Variants in THRB observed in about 807,000 individuals in gnomAD.
THRB encodes the protein nuclear receptor subfamily 1 group A member 2.
Under a neutral mutation model 47.8 loss-of-function variants are expected in THRB, and 12 were observed. That is an observed-to-expected ratio of 0.25 (90% confidence interval 0.16 to 0.41). The LOEUF (loss-of-function observed/expected upper bound fraction) is 0.41, where lower values mean the gene tolerates loss of function less well. Among genes scored for constraint, THRB ranks in the 10% least tolerant of loss-of-function variants. The pLI, the probability that THRB is intolerant of heterozygous loss-of-function variation, is 1.00. For missense variants in THRB, 348 were observed against 589.2 expected (o/e 0.59, Z 4.24); for synonymous variants, 218 against 212.2 (o/e 1.03, Z -0.24).
intron 2 of THRB, among the ~76,000 whole-genome samples, chr3:24,315,422 G>A (rs1411927876): frequency 6.6e-6 from 1 of 152,186 alleles, no homozygotes; most frequent in African/African-American, 2.4e-5. Flanking sequence ...CCAATTATAT[G>A]TTCTTGAAAT....
chr3:24,419,992 G>A (rs772263067), intron 1 of THRB, among the ~76,000 whole-genome samples: 9 of 151,782 alleles, frequency 5.9e-5, no homozygotes, highest in Non-Finnish European at 8.8e-5. Context: ...CTGTGTAACC[G>A]ATGCAAGTTA....
chr3:24,251,558 G>C (rs2050670503), intron 3 of THRB, among the ~76,000 whole-genome samples: 1 of 152,062 alleles, frequency 6.6e-6, no homozygotes, highest in Non-Finnish European at 1.5e-5. Context: ...ATGACTTTCA[G>C]TAACTGTGAA....
intron 1 of THRB, among the ~76,000 whole-genome samples, chr3:24,339,668 G>A (rs1420887733): frequency 6.6e-6 from 1 of 151,922 alleles, no homozygotes; most frequent in Admixed American, 6.6e-5. Flanking sequence ...TCTTCAAGTA[G>A]ACAAATTGAA....
chr3:24,351,047 G>A (rs1230729939), intron 1 of THRB, among the ~76,000 whole-genome samples: 1 of 151,254 alleles, frequency 6.6e-6, no homozygotes, highest in Admixed American at 6.6e-5. Context: ...CTGTAAATAC[G>A]CTGCTTAGTA....
chr3:24,457,097 T>A (rs895932837), intron 1 of THRB, among the ~76,000 whole-genome samples: 1 of 152,158 alleles, frequency 6.6e-6, no homozygotes, highest in African/African-American at 2.4e-5. Flanking sequence ...GAAACTTGAT[T>A]TAATTGCCAA....
rs545127528 is a variant in THRB at position 24,218,340 on chromosome 3, C to CTTTTTT, written c.22+10597_22+10598insAAAAAA. 5.1e-5 allele frequency among the ~76,000 whole-genome samples: 6 copies of CTTTTTT among 117,284 alleles called. No individual in the cohort carries two copies. In the East Asian group the frequency reaches 1.1e-3, roughly 22 times the overall value. 76.9% of individuals were successfully genotyped at this position (117,284 alleles called of 152,430 possible). ...AAATTTTTTGTCTCTCTCTCTCTCT[C>CTTTTTT]TCTTTTTTTTTTTTTTTTTTTTAAA... is the stretch of plus-strand genomic sequence containing the variant. On this transcript the variant is annotated intron_variant, in intron 4 of 10. Coordinates refer to ENST00000646209, the MANE Select transcript of THRB (RefSeq NM_001354712.2).
chr3:24,296,012 C>G (rs186749263), intron 3 of THRB, among the ~76,000 whole-genome samples: 21 of 152,330 alleles, frequency 1.4e-4, no homozygotes, highest in African/African-American at 5.1e-4. Flanking sequence ...GATAGGTGAT[C>G]TAGGTCCTTC....
At chr3:24,285,364 T>C (rs1364344568) in intron 3 of THRB, among the ~76,000 whole-genome samples, 1 of 144,948 alleles carries the variant, frequency 6.9e-6, no homozygotes, top group African/African-American at 2.6e-5. Flanking sequence ...TTCTCACTCA[T>C]AGGTGGGAAT....
chr3:24,160,905 A>G (rs564214084), intron 5 of THRB, among the ~76,000 whole-genome samples: 3 of 152,250 alleles, frequency 2.0e-5, no homozygotes, highest in Non-Finnish European at 4.4e-5. Context: ...CCATTTGCTC[A>G]TAATGCTTTG....
intron 2 of THRB, among the ~76,000 whole-genome samples, chr3:24,329,755 G>A (rs562255877): frequency 9.2e-5 from 14 of 152,324 alleles, no homozygotes; most frequent in African/African-American, 3.4e-4. Flanking sequence ...GAAAAAGTGA[G>A]CAATCAACAA....
intron 4 of THRB, among the ~76,000 whole-genome samples, chr3:24,221,126 A>G (rs539259272): frequency 6.6e-6 from 1 of 152,370 alleles, no homozygotes; most frequent in African/African-American, 2.4e-5. Flanking sequence ...AAGAAAAGCA[A>G]AGATGGATAA....
intron 3 of THRB, among the ~76,000 whole-genome samples, chr3:24,276,131 G>A (rs532336323): frequency 2.0e-5 from 3 of 151,852 alleles, no homozygotes; most frequent in Admixed American, 2.0e-4. Context: ...TCAAGGACAA[G>A]TTTAAACATC....
intron 1 of THRB, among the ~76,000 whole-genome samples, chr3:24,390,939 G>C (rs2066523512): frequency 6.6e-6 from 1 of 152,038 alleles, no homozygotes; most frequent in African/African-American, 2.4e-5. Flanking sequence ...GATTTTGGCA[G>C]ATCTAAGGCA....
At chr3:24,464,965 CTGT>C (rs2074015877) in intron 1 of THRB, among the ~76,000 whole-genome samples, 2 of 152,098 alleles carry the variant, frequency 1.3e-5, no homozygotes, top group Non-Finnish European at 2.9e-5. Context: ...ATTAATGTCA[CTGT>C]TGTTATTTTA....
chr3:24,284,214 T>G (rs2150882998), intron 3 of THRB, among the ~76,000 whole-genome samples: 1 of 151,052 alleles, frequency 6.6e-6, no homozygotes, highest in Admixed American at 6.6e-5. Context: ...AACAGCATGG[T>G]ACTGGTACCA....
At chr3:24,477,397 GCTTCT>G (rs1359352040) in intron 1 of THRB, among the ~76,000 whole-genome samples, 2 of 152,148 alleles carry the variant, frequency 1.3e-5, no homozygotes, top group African/African-American at 2.4e-5. Context: ...GAACAAAAGT[GCTTCT>G]CAAACTCCAG....
intron 1 of THRB, chr3:24,486,596 C>G (rs1697336407): frequency 6.6e-6 from 1 of 152,186 alleles, no homozygotes; most frequent in Admixed American, 6.5e-5. Context: ...TTAGCAATAC[C>G]TTATGTTTAT....
At chr3:24,142,849 A>G (rs2035618233) in intron 8 of THRB, among the ~76,000 whole-genome samples, 2 of 152,232 alleles carry the variant, frequency 1.3e-5, no homozygotes, top group Admixed American at 6.5e-5. Context: ...GCTTACCTCA[A>G]AACACTATGA....
At chr3:24,183,840 A>AT (rs2042233175) in intron 5 of THRB, among the ~76,000 whole-genome samples, 2 of 152,220 alleles carry the variant, frequency 1.3e-5, no homozygotes, top group Non-Finnish European at 2.9e-5. Context: ...AGAGCAAGAA[A>AT]TAAACTGAAG....
Sources: allele counts gnomAD v4.1 joint callset (sites outside exome capture counted in the v4.1 genomes callset), GRCh38; gene constraint gnomAD v4.1.1; transcripts MANE v1.5; gene names NCBI Gene and HGNC (gene_info 2026-07-23, HGNC 2026-07-21).